MUC13: variants seen among roughly 807,000 people sequenced by gnomAD.
MUC13 encodes mucin-13.
A neutral mutation model predicts 48.3 loss-of-function variants in MUC13; 32 were observed. The observed-to-expected ratio is 0.66, with a 90% CI of 0.50 to 0.89. The LOEUF (loss-of-function observed/expected upper bound fraction) is 0.89. Ranked by LOEUF, MUC13 falls within the 40% of genes least tolerant of loss-of-function variation. MUC13 has a pLI of 0.00. For missense variants in MUC13, 571 were observed against 622.8 expected, an observed-to-expected ratio of 0.92 and a Z score of 0.88; for synonymous variants, 199 against 224.9, an observed-to-expected ratio of 0.88 and a Z score of 1.03.
At chr3:124,929,960 T>G (rs1488248593) in intron 1 of MUC13, among the ~76,000 whole-genome samples, 2 of 152,170 alleles carry the variant, frequency 1.3e-5, no homozygotes, top group African/African-American at 4.8e-5. Flanking sequence ...ACCTCCACGG[T>G]GCCCTCTATC....
At chr3:124,931,641 G>A (rs542078611) in intron 1 of MUC13, among the ~76,000 whole-genome samples, 2 of 152,034 alleles carry the variant, frequency 1.3e-5, no homozygotes, top group Admixed American at 1.3e-4. Flanking sequence ...CCAGCCACTC[G>A]GGAAACTGAG....
chr3:124,920,128 T>C, intron 5 of MUC13, 106 bp downstream of exon 5: 1 of 957,850 alleles, frequency 1.0e-6, no homozygotes, highest in South Asian at 1.4e-5. Flanking sequence ...TCCTCTTAAC[T>C]TGTGACTTGC....
intron 4 of MUC13, among the ~76,000 whole-genome samples, chr3:124,921,160 T>C: frequency 6.6e-6 from 1 of 151,808 alleles, no homozygotes; most frequent in Non-Finnish European, 1.5e-5. Context: ...CTTCCTTTTT[T>C]TTTTCTCCAG....
intron 1 of MUC13, 77 bp from the exon 2 acceptor site, chr3:124,928,070 A>ATCC (rs1935728442): frequency 9.8e-7 from 1 of 1,022,690 alleles, no homozygotes; most frequent in Admixed American, 2.8e-5. Flanking sequence ...ACTAAATCAT[A>ATCC]TCCAACTCAT....
intron 1 of MUC13, 73 bp from the exon 2 acceptor site, chr3:124,928,066 T>A: frequency 3.9e-6 from 4 of 1,038,306 alleles, no homozygotes; most frequent in African/African-American, 1.6e-5. Context: ...TAATACTAAA[T>A]CATATCCAAC....
At chr3:124,908,052 CG>C (rs1559995932) in intron 11 of MUC13, 94 bp downstream of exon 11, 5 of 1,198,418 alleles carry the variant, frequency 4.2e-6, no homozygotes, top group Non-Finnish European at 5.9e-6. Flanking sequence ...AGAAAGCCTG[CG>C]GGGCAGCCAA....
chr3:124,923,987 G>GTA (rs1935647657), intron 2 of MUC13, among the ~76,000 whole-genome samples: 2 of 152,126 alleles, frequency 1.3e-5, no homozygotes, highest in Non-Finnish European at 2.9e-5. Context: ...GAACCTTGAA[G>GTA]CATGGTCCTC....
Position 124,923,624 on chromosome 3 carries a change from A to G in MUC13, c.540T>C (p.Asp180=). The G allele has an allele frequency of 1.9e-6, 3 of 1,613,962 alleles. No homozygotes were observed. In the South Asian group the frequency reaches 3.3e-5, roughly 18 times the overall value. The change falls in exon 3 of 12, where the codon GAT becomes GAC. Residue 180 remains aspartate, a synonymous_variant. Transcript: ENST00000616727. Reference sequence around the variant, plus strand: ...CACATAACGAATTATCTGCACAGGGATCATCTTGGCAAGGATTGCTGGGAC... The same window carrying G: ...CACATAACGAATTATCTGCACAGGGGTCATCTTGGCAAGGATTGCTGGGAC... The part of the protein sequence containing the change: ...STGPSNPCQD[D]PCADNSLCVK...
intron 1 of MUC13, 78 bp downstream of exon 1, chr3:124,934,583 G>A: frequency 1.0e-6 from 1 of 954,170 alleles, no homozygotes. Context: ...GGGAGAATTG[G>A]TAGCTATAGG....
At chr3:124,922,445 C>A in intron 3 of MUC13, 142 bp from the exon 4 acceptor site, 1 of 1,092,984 alleles carries the variant, frequency 9.1e-7, no homozygotes, top group Non-Finnish European at 1.3e-6. Context: ...TTAAAAGTTA[C>A]CCATCATCCT....
chr3:124,921,592 C>T (rs1271041474), intron 4 of MUC13, among the ~76,000 whole-genome samples: 6 of 152,178 alleles, frequency 3.9e-5, no homozygotes, highest in African/African-American at 9.7e-5. Context: ...CCTTTCCTTT[C>T]ATGCTTGCTC....
intron 1 of MUC13, among the ~76,000 whole-genome samples, chr3:124,933,329 C>T (rs1935826603): frequency 6.6e-6 from 1 of 152,156 alleles, no homozygotes; most frequent in Non-Finnish European, 1.5e-5. Flanking sequence ...CCAAATATAG[C>T]TCCATGATAT....
intron 4 of MUC13, among the ~76,000 whole-genome samples, chr3:124,921,399 C>T (rs1316429141): frequency 6.6e-6 from 1 of 152,176 alleles, no homozygotes; most frequent in Non-Finnish European, 1.5e-5. Flanking sequence ...AATCTGCCCG[C>T]CTCATCCTCC....
At chr3:124,914,724 C>T (rs57828254) in intron 6 of MUC13, among the ~76,000 whole-genome samples, 2,226 of 152,160 alleles carry the variant, frequency 0.015, 65 homozygotes, top group African/African-American at 0.05. Flanking sequence ...GTCAGGAGTT[C>T]GAGACCAGCC....
chr3:124,907,657 T>TAGAG (rs71800171), intron 11 of MUC13, among the ~76,000 whole-genome samples: 19 of 143,942 alleles, frequency 1.3e-4, no homozygotes, highest in African/African-American at 3.9e-4. Flanking sequence ...TATATATATA[T>TAGAG]AGAGAGAGAG....
intron 1 of MUC13, 56 bp downstream of exon 1, chr3:124,934,605 T>C: frequency 1.6e-6 from 2 of 1,284,952 alleles, no homozygotes; most frequent in Non-Finnish European, 2.3e-6. Context: ...CTGCTGATTC[T>C]ACCTCAAAGA....
intron 9 of MUC13, among the ~76,000 whole-genome samples, chr3:124,911,424 G>T (rs1331459367): frequency 2.0e-5 from 3 of 152,178 alleles, no homozygotes; most frequent in Non-Finnish European, 4.4e-5. Flanking sequence ...CCTGAAGAAA[G>T]ACTTAGCAAA....
At chr3:124,916,244 T>A in intron 6 of MUC13, 73 bp downstream of exon 6, 1 of 1,144,418 alleles carries the variant, frequency 8.7e-7, no homozygotes, top group East Asian at 2.4e-5. Flanking sequence ...CCTTTTCACA[T>A]ATAATGAAAA....
intron 10 of MUC13, 142 bp from the exon 11 acceptor site, chr3:124,908,490 G>T: frequency 1.4e-6 from 1 of 707,940 alleles, no homozygotes; most frequent in Non-Finnish European, 2.3e-6. Context: ...ATATTACGGC[G>T]TTCTCACACA....
Sources: allele counts gnomAD v4.1 joint callset (sites outside exome capture counted in the v4.1 genomes callset), GRCh38; gene constraint gnomAD v4.1.1; transcripts MANE v1.5; gene names NCBI Gene and HGNC (gene_info 2026-07-23, HGNC 2026-07-21).